The following PURG variants were observed in gnomAD, a reference collection of about 807,000 sequenced individuals.
PURG encodes purine rich element binding protein G.
Under a neutral mutation model 24.3 loss-of-function variants are expected in PURG, and 3 were observed. The observed-to-expected ratio is 0.12, with a 90% CI of 0.06 to 0.32. PURG has a LOEUF of 0.32. PURG is among the 10% of genes least tolerant of loss of function. PURG has a pLI of 1.00. For synonymous variants in PURG, 180 were observed against 173.1 expected (o/e 1.04, Z -0.31); for missense variants, 371 against 439.1 (o/e 0.84, Z 1.39).
At chr8:31,016,572 ACC>A (rs2129811922) in intron 1 of PURG, among the ~76,000 whole-genome samples, 1 of 132,024 alleles carries the variant, frequency 7.6e-6, no homozygotes, top group Non-Finnish European at 1.6e-5. Context: ...ATGCAAGTCT[ACC>A]AAGAACCAAA....
chr8:31,017,467 G>A (rs926844166), intron 1 of PURG, among the ~76,000 whole-genome samples: 1 of 151,718 alleles, frequency 6.6e-6, no homozygotes, highest in Admixed American at 6.6e-5. Context: ...ATATTTATCT[G>A]GAGGAATAAA....
chr8:31,020,063 C>T (rs1810964911), intron 1 of PURG, among the ~76,000 whole-genome samples: 1 of 151,866 alleles, frequency 6.6e-6, no homozygotes, highest in East Asian at 2.0e-4. Flanking sequence ...TCCAGCTACT[C>T]GGGAGGCTGA....
intron 1 of PURG, chr8:30,996,734 GA>G: frequency 1.3e-6 from 2 of 1,504,338 alleles, no homozygotes. Context: ...TAGCAAACAT[GA>G]AGTTTTCAAG....
downstream of PURG, among the ~76,000 whole-genome samples, chr8:31,027,332 T>C (rs1202262497): frequency 6.6e-6 from 1 of 151,418 alleles, no homozygotes; most frequent in Non-Finnish European, 1.5e-5. Flanking sequence ...CATAAAGCTT[T>C]GAATAGGATT....
chr8:31,005,807 A>G (rs1032258227), intron 1 of PURG, among the ~76,000 whole-genome samples: 6 of 147,990 alleles, frequency 4.1e-5, no homozygotes, highest in Non-Finnish European at 8.9e-5. Flanking sequence ...TTCTCCCTTC[A>G]AATCACCACA....
intron 1 of PURG, among the ~76,000 whole-genome samples, chr8:31,019,160 AATATATATATATATATATATAT>A (rs1304631928): frequency 3.6e-5 from 2 of 56,338 alleles, no homozygotes; most frequent in African/African-American, 1.7e-4. Context: ...AAAAAAAAAA[AATATATATATATATATATATAT>A]ATATATATAT....
intron 1 of PURG, among the ~76,000 whole-genome samples, chr8:31,022,894 T>A (rs189259536): frequency 6.6e-6 from 1 of 152,380 alleles, no homozygotes; most frequent in East Asian, 1.9e-4. Flanking sequence ...GGTGTCTGTA[T>A]ATATCTTTAT....
In PURG at chr8:31,031,682, C is replaced by T; in HGVS notation, c.*57G>A. ...AAAACTTCTTCAAAGGATAATGGAT[C>T]AGTACTTTTAGCCAATTTGTGATTT... On this transcript the variant is annotated 3_prime_UTR_variant, in exon 2 of 2. Coordinates refer to ENST00000523392, the MANE Select transcript of PURG (RefSeq NM_001323311.2). 2 of 1,456,402 alleles carry T rather than the reference C, an allele frequency of 1.4e-6. No individual in the cohort carries two copies. Among genetic ancestry groups the T allele is most frequent in the Non-Finnish European group, 9.1e-7 (1 of 1,092,994 alleles). The allele number at this position is 1,456,402 out of a possible 1,614,324, so 90.2% of individuals were successfully genotyped here.
chr8:31,028,497 CA>C (rs1405832726), downstream of PURG, among the ~76,000 whole-genome samples: 1 of 151,792 alleles, frequency 6.6e-6, no homozygotes, highest in Non-Finnish European at 1.5e-5. Flanking sequence ...ATACAGCTTT[CA>C]AATAGACAAA....
chr8:31,033,108 G>A lies in PURG; in HGVS notation c.-37C>T. The A allele has an allele frequency of 4.5e-6, 1 of 222,262 alleles. No individual in the cohort carries two copies. The highest frequency in any genetic ancestry group is 8.7e-6 in the Non-Finnish European group (1 of 114,678). 13.8% of individuals were successfully genotyped at this position (222,262 alleles called of 1,614,324 possible). A position where few individuals can be genotyped will look rare whatever the true frequency, so the allele number is the denominator to read the frequency against. On this transcript the variant is annotated 5_prime_UTR_variant, in exon 1 of 2. Transcript: ENST00000523392. ...CTCTGCCATCACCGCCGCCGCCGAT[G>A]CCCTTCACGACCACCGCCGCCGCCA...
chr8:30,999,978 T>TA (rs11300929), intron 1 of PURG, among the ~76,000 whole-genome samples: 71 of 151,624 alleles, frequency 4.7e-4, no homozygotes, highest in Non-Finnish European at 8.9e-4. Flanking sequence ...TCCTTTAAAA[T>TA]AAAAAAAAAC....
intron 1 of PURG, among the ~76,000 whole-genome samples, chr8:31,009,383 G>T (rs2344122): frequency 0.37 from 55,481 of 151,570 alleles, 12,532 homozygotes; most frequent in East Asian, 0.66. Context: ...CTGAGATCGT[G>T]CCACTGCACT....
In PURG at chr8:31,032,746, GGCC is replaced by G; in HGVS notation, c.34_36del (p.Gly12del). 2.8e-6 allele frequency: 4 copies of G among 1,436,490 alleles called. No homozygotes were observed. Among genetic ancestry groups the G allele is most frequent in the African/African-American group, 1.4e-5 (1 of 69,392 alleles). The allele number at this position is 1,436,490 out of a possible 1,614,324, so 89.0% of individuals were successfully genotyped here. A position where few individuals can be genotyped will look rare whatever the true frequency, so the allele number is the denominator to read the frequency against. On this transcript the variant is annotated inframe_deletion, in exon 2 of 2. Coordinates refer to ENST00000523392, the MANE Select transcript of PURG (RefSeq NM_001323311.2). The surrounding 1 kb of genome is among the most constrained non-coding windows in gnomAD (Gnocchi z 5.9). ...CCTACATTCTTGCCTCCGCGGCCGCGGCCGCCGCCGCCTCCCCTTCGCCTGGCT... is the reference window on the plus strand; with the variant it reads ...CCTACATTCTTGCCTCCGCGGCCGCGGCCGCCGCCTCCCCTTCGCCTGGCT...
At chr8:31,006,349 C>G (rs1360969687) in intron 1 of PURG, among the ~76,000 whole-genome samples, 1 of 152,066 alleles carries the variant, frequency 6.6e-6, no homozygotes, top group Non-Finnish European at 1.5e-5. Flanking sequence ...AATCCCAGCA[C>G]TTTGAGAGGG....
At chr8:31,005,235 C>A (rs1248958168) in intron 1 of PURG, among the ~76,000 whole-genome samples, 1 of 152,020 alleles carries the variant, frequency 6.6e-6, no homozygotes, top group African/African-American at 2.4e-5. Flanking sequence ...GAGTTTGAGA[C>A]CAGCCTGGGC....
At chr8:31,002,492 T>C (rs915412474) in intron 1 of PURG, among the ~76,000 whole-genome samples, 3 of 152,200 alleles carry the variant, frequency 2.0e-5, no homozygotes, top group Non-Finnish European at 4.4e-5. Context: ...ACTTTATTTT[T>C]ATTTTTCTTG....
In PURG at chr8:31,024,194, T is replaced by C. The variant is rs1240612337; in HGVS notation, c.864+7725A>G. Among the ~76,000 whole-genome samples the C allele has an allele frequency of 3.3e-5, 5 of 152,336 alleles. No homozygotes were observed. The East Asian group carries it at 9.6e-4, about 29-fold the overall frequency. ...ACATATTATAAAACTGACATTTTTT[T>C]GCATTGTTCCGTTGGGTATCATCAC... On this transcript the variant is annotated intron_variant, in intron 1 of 1. Transcript: ENST00000339382.
At chr8:31,021,589 G>T (rs957572076) in intron 1 of PURG, among the ~76,000 whole-genome samples, 6 of 152,230 alleles carry the variant, frequency 3.9e-5, no homozygotes, top group African/African-American at 1.2e-4. Flanking sequence ...TGAGGCAGAT[G>T]TATAGTGGCG....
chr8:31,020,568 C>A (rs1810972154), intron 1 of PURG, among the ~76,000 whole-genome samples: 1 of 152,130 alleles, frequency 6.6e-6, no homozygotes. Flanking sequence ...TAATTCCTAT[C>A]AGATTTCTCT....
Sources: gnomAD v4.1 joint callset for allele counts (sites outside exome capture counted in the v4.1 genomes callset) on GRCh38, gnomAD v4.1.1 for gene constraint, Gnocchi (gnomAD v3.1) non-coding constraint, MANE v1.5 for transcripts, NCBI Gene and HGNC (gene_info 2026-07-23, HGNC 2026-07-21) for gene names.